IFT81: variants seen among roughly 807,000 people sequenced by gnomAD.
IFT81 encodes intraflagellar transport protein 81 homolog.
Under a neutral mutation model 102.6 loss-of-function variants are expected in IFT81, and 72 were observed. The ratio of observed to expected loss-of-function variants is 0.70; its 90% CI spans 0.58 to 0.85. The LOEUF (loss-of-function observed/expected upper bound fraction) is 0.85. IFT81 is among the 40% of genes least tolerant of loss of function. IFT81 has a pLI of 0.00. For synonymous variants in IFT81, 237 were observed against 242.7 expected (o/e 0.98, Z 0.22); for missense variants, 723 against 787.3 (o/e 0.92, Z 0.98).
At chr12:110,209,772 A>G (rs1869172050) in intron 18 of IFT81, among the ~76,000 whole-genome samples, 1 of 151,718 alleles carries the variant, frequency 6.6e-6, no homozygotes, top group Non-Finnish European at 1.5e-5. Flanking sequence ...CCATCTCAAA[A>G]AAAAAAAAAA....
At chr12:110,214,813 A>G (rs1056957831) in intron 18 of IFT81, among the ~76,000 whole-genome samples, 2 of 152,226 alleles carry the variant, frequency 1.3e-5, no homozygotes, top group Non-Finnish European at 2.9e-5. Context: ...CAATGATATA[A>G]GAAAAGTTAC....
chr12:110,143,292 C>T, intron 8 of IFT81, 90 bp from the exon 9 acceptor site: 1 of 740,442 alleles, frequency 1.4e-6, no homozygotes, highest in Middle Eastern at 4.6e-4. Context: ...AACAAATATG[C>T]CGTATCCAGG....
In IFT81 at chr12:110,216,166, T is replaced by G. The variant is rs189253013; in HGVS notation, c.1849-1878T>G. On this transcript the variant is annotated intron_variant, in intron 18 of 18. Transcript: ENST00000242591. ...TTTTATTTTCCCCTATTATTAGCCT[T>G]GGTTTGGTTGTTTTGTTTTGTTTTG... Among the ~76,000 whole-genome samples, 27 of 152,112 alleles carry G rather than the reference T, an allele frequency of 1.8e-4. 1 individual carries two copies. Among genetic ancestry groups the G allele is most frequent in the African/African-American group, 6.5e-4 (27 of 41,502 alleles).
chr12:110,215,384 G>A (rs1036787651), intron 18 of IFT81, among the ~76,000 whole-genome samples: 1 of 145,014 alleles, frequency 6.9e-6, no homozygotes, highest in African/African-American at 2.6e-5. Flanking sequence ...GTCAACTGTA[G>A]TTGTCTCTAG....
At chr12:110,216,510 T>G (rs1208789090) in intron 18 of IFT81, 2 of 453,078 alleles carry the variant, frequency 4.4e-6, no homozygotes, top group East Asian at 7.0e-5. Flanking sequence ...CCTCCTATTA[T>G]TCACCTTAAT....
intron 11 of IFT81, among the ~76,000 whole-genome samples, chr12:110,176,842 C>T (rs926584033): frequency 6.6e-6 from 1 of 152,182 alleles, no homozygotes; most frequent in Admixed American, 6.5e-5. Flanking sequence ...GTTCTTTCAT[C>T]AAAAACATTT....
chr12:110,169,025 CTT>C (rs1896596789), intron 11 of IFT81: 1 of 33,210 alleles, frequency 3.0e-5, no homozygotes, highest in Non-Finnish European at 8.5e-5. Context: ...TCCTTCCTCC[CTT>C]CCTTCCTTCC....
intron 14 of IFT81, among the ~76,000 whole-genome samples, chr12:110,197,248 G>GATAGA (rs1898041459): frequency 4.1e-5 from 6 of 147,044 alleles, no homozygotes; most frequent in Non-Finnish European, 6.0e-5. Flanking sequence ...AGGTAGGTAG[G>GATAGA]TAGATAGATA....
At chr12:110,153,999 T>C (rs1353794135) in intron 10 of IFT81, among the ~76,000 whole-genome samples, 1 of 152,036 alleles carries the variant, frequency 6.6e-6, no homozygotes, top group African/African-American at 2.4e-5. Flanking sequence ...GGATATTTTT[T>C]TTTAGACAAA....
rs1896226211 is a variant in IFT81 at position 110,163,034 on chromosome 12, T to C, written c.1157T>C (p.Phe386Ser). 2 of 1,613,950 alleles carry C rather than the reference T, an allele frequency of 1.2e-6. No homozygotes were observed. Among genetic ancestry groups the C allele is most frequent in the Non-Finnish European group, 1.7e-6 (2 of 1,179,944 alleles). The change falls in exon 11 of 19, where the codon TTT (phenylalanine) becomes TCT (serine). Residue 386 changes from phenylalanine (F) to serine (S), a missense_variant. Transcript: ENST00000242591. The stretch of plus-strand genomic sequence containing the variant: ...GTAAAGAGAAATCAGACCCGTGAAT[T>C]TGATGGTACTGAAGTTTTAAAGGGA... ...ASVKRNQTREFDGTEVLKGDE... is the reference protein window; with the variant it reads ...ASVKRNQTRESDGTEVLKGDE...
intron 18 of IFT81, among the ~76,000 whole-genome samples, chr12:110,213,121 C>T (rs572512784): frequency 1.2e-4 from 19 of 152,170 alleles, no homozygotes; most frequent in Admixed American, 3.3e-4. Flanking sequence ...AAAATAATTA[C>T]GTAACATCCA....
chr12:110,128,979 G>A lies in IFT81; in HGVS notation c.278G>A (p.Gly93Glu), dbSNP rs1894010829. Reference protein sequence around the residue: ...MSTFRQGLVIGSKPVIYPVLH... With the variant: ...MSTFRQGLVIESKPVIYPVLH... ...ACTTTTCGTCAGGGTTTGGTGATTG[G>A]AAGTAAACCTGTAATTTACCCAGTG... is the stretch of plus-strand genomic sequence containing the variant. The change falls in exon 4 of 19, where the codon GGA becomes GAA. Residue 93 changes from glycine (G) to glutamate (E), a missense_variant. By Grantham distance (98) the Gly-to-Glu change is moderately conservative. Coordinates refer to ENST00000242591, the MANE Select transcript of IFT81 (RefSeq NM_014055.4). 2 of 1,613,452 alleles carry A rather than the reference G, an allele frequency of 1.2e-6. No homozygotes were observed. The highest frequency in any genetic ancestry group is 2.2e-5 in the East Asian group (1 of 44,844).
rs1555264920 is a variant in IFT81 at position 110,172,329 on chromosome 12, TCCTCTG to T, written c.1189-8075_1189-8070del. Among the ~76,000 whole-genome samples the T allele has an allele frequency of 7.3e-5, 11 of 151,080 alleles. 1 individual carries two copies. Among genetic ancestry groups the T allele is most frequent in the East Asian group, 3.9e-4 (2 of 5,142 alleles). ...CTCTGCCTCCTCTGCCTCCTCTGCC[TCCTCTG>T]CCTCTGCCTCTGCCTCTCCCCATGG... On this transcript the variant is annotated intron_variant, in intron 11 of 18. Transcript: ENST00000242591.
At chr12:110,192,172 A>G (rs1353758034) in intron 13 of IFT81, among the ~76,000 whole-genome samples, 1 of 146,338 alleles carries the variant, frequency 6.8e-6, no homozygotes, top group Non-Finnish European at 1.5e-5. Flanking sequence ...CTCTGTCTCA[A>G]AAAAAAAAAA....
intron 12 of IFT81, among the ~76,000 whole-genome samples, chr12:110,182,711 G>A (rs1295661059): frequency 6.6e-6 from 1 of 152,148 alleles, no homozygotes; most frequent in Non-Finnish European, 1.5e-5. Flanking sequence ...TGACCAGATG[G>A]TAGTCAGAAC....
chr12:110,133,352 G>A (rs1463515074), intron 5 of IFT81, among the ~76,000 whole-genome samples: 1 of 151,872 alleles, frequency 6.6e-6, no homozygotes, highest in African/African-American at 2.4e-5. Flanking sequence ...GCCAGGCATG[G>A]TAGCTCATGC....
chr12:110,133,530 A>T (rs1341980553), intron 5 of IFT81, among the ~76,000 whole-genome samples: 3 of 151,578 alleles, frequency 2.0e-5, no homozygotes, highest in Non-Finnish European at 2.9e-5. Flanking sequence ...CAGGAAGCTG[A>T]GGCAGGAGGA....
rs765539214 is a variant in IFT81 at position 110,205,423 on chromosome 12, T to C, written c.1645-20T>C. The stretch of plus-strand genomic sequence containing the variant: ...CTCATTCTTTCGATAATGTCACCTA[T>C]CTAAAATTATATATTATAGGAAGTT... On this transcript the variant is annotated intron_variant, in intron 15 of 18. Coordinates refer to ENST00000242591, the MANE Select transcript of IFT81 (RefSeq NM_014055.4). 11 of 1,572,374 alleles carry C rather than the reference T, an allele frequency of 7.0e-6. No homozygotes were observed. Among genetic ancestry groups the C allele is most frequent in the Non-Finnish European group, 9.4e-6 (11 of 1,166,212 alleles).
At chr12:110,214,244 A>G (rs1203729392) in intron 18 of IFT81, among the ~76,000 whole-genome samples, 1 of 152,144 alleles carries the variant, frequency 6.6e-6, no homozygotes, top group Non-Finnish European at 1.5e-5. Context: ...TTGGATTTGT[A>G]AGATTTTATA....
Sources: gnomAD v4.1 joint callset for allele counts (sites outside exome capture counted in the v4.1 genomes callset) on GRCh38, gnomAD v4.1.1 for gene constraint, MANE v1.5 for transcripts, NCBI Gene and HGNC (gene_info 2026-07-23, HGNC 2026-07-21) for gene names.